Variants in WDFY4 observed in about 807,000 individuals in gnomAD.
WDFY4 encodes WD repeat- and FYVE domain-containing protein 4.
Under a neutral mutation model 351.9 loss-of-function variants are expected in WDFY4, and 169 were observed. That is an observed-to-expected ratio of 0.48 (90% CI 0.42 to 0.55). The LOEUF is 0.55. Ranked by LOEUF, WDFY4 falls within the 20% of genes least tolerant of loss-of-function variation. The pLI, the probability that WDFY4 is intolerant of heterozygous loss-of-function variation, is 0.00. For synonymous variants in WDFY4, 1,622 were observed against 1,574.6 expected (o/e 1.03, Z -0.71); for missense variants, 3,803 against 3,935.6 (o/e 0.97, Z 0.90).
At chr10:48,840,042 T>C (rs1368434142) in intron 39 of WDFY4, among the ~76,000 whole-genome samples, 1 of 152,192 alleles carries the variant, frequency 6.6e-6, no homozygotes, top group Non-Finnish European at 1.5e-5. Flanking sequence ...GCTAGGAATA[T>C]TTCCAGACGG....
At chr10:48,695,352 C>T (rs2063304376) in intron 1 of WDFY4, among the ~76,000 whole-genome samples, 1 of 152,102 alleles carries the variant, frequency 6.6e-6, no homozygotes, top group African/African-American at 2.4e-5. Context: ...CAGCCAGGGA[C>T]TCCCTGCAAC....
chr10:48,706,963 G>A (rs1261835206), intron 1 of WDFY4, among the ~76,000 whole-genome samples: 1 of 152,162 alleles, frequency 6.6e-6, no homozygotes, highest in East Asian at 1.9e-4. Context: ...GTGCTGTTTT[G>A]ACTACAAAGA....
In WDFY4 at chr10:48,727,529, G is replaced by A. The variant is rs1174795260; in HGVS notation, c.841G>A (p.Ala281Thr). Residue 281 changes from alanine to threonine, a missense_variant, in exon 7 of 62, where the codon GCC becomes ACC. Coordinates refer to ENST00000325239, the MANE Select transcript of WDFY4 (RefSeq NM_001394531.1). ...CTCCAGGCTCACGGACACTCTCCCT[G>A]CCCCTGAAGTGAGCGAGGCTGTAAG... ...NLSRLTDTLP[A>T]PEVSEAVSLI... 2 of 1,551,744 alleles carry A rather than the reference G, an allele frequency of 1.3e-6. No homozygotes were observed. The highest frequency in any genetic ancestry group is 1.2e-5 in the South Asian group (1 of 84,062).
chr10:48,973,115 T>C (rs751152383), intron 57 of WDFY4, among the ~76,000 whole-genome samples: 12 of 152,176 alleles, frequency 7.9e-5, no homozygotes, highest in Non-Finnish European at 1.6e-4. Flanking sequence ...GCAGACTTGG[T>C]TCCACTGGTA....
intron 47 of WDFY4, among the ~76,000 whole-genome samples, chr10:48,937,172 G>A (rs1453449707): frequency 6.6e-6 from 1 of 152,134 alleles, no homozygotes; most frequent in Non-Finnish European, 1.5e-5. Flanking sequence ...GGGATTACAC[G>A]TGTGAGCCAC....
At chr10:48,686,315 C>CAAAAAA (rs371080036) in intron 1 of WDFY4, among the ~76,000 whole-genome samples, 1 of 99,100 alleles carries the variant, frequency 1.0e-5, no homozygotes, top group Non-Finnish European at 1.9e-5. Context: ...ACTCCATCTC[C>CAAAAAA]AAAAAAAAAA....
chr10:48,867,348 A>G lies in WDFY4; in HGVS notation c.6741+6A>G. On this transcript the variant is annotated splice_donor_region_variant and intron_variant, in intron 40 of 61. Transcript: ENST00000325239. ...TATACAAAGACCATGTGCAAGTAAG[A>G]AACAAAACATAGGCTTTCTCTATAC... 6.8e-7 allele frequency: 1 copy of G among 1,478,482 alleles called. No individual in the cohort carries two copies. The highest frequency in any genetic ancestry group is 9.0e-7 in the Non-Finnish European group (1 of 1,109,164). 91.6% of individuals were successfully genotyped at this position (1,478,482 alleles called of 1,614,324 possible). A position where few individuals can be genotyped will look rare whatever the true frequency, so the allele number is the denominator to read the frequency against.
intron 47 of WDFY4, among the ~76,000 whole-genome samples, chr10:48,937,183 T>C (rs1301339998): frequency 1.3e-5 from 2 of 152,182 alleles, no homozygotes; most frequent in Admixed American, 6.5e-5. Context: ...TGTGAGCCAC[T>C]GTGCCAGCCA....
At position 48,743,625 on chromosome 10, in the gene WDFY4, C is replaced by T; in HGVS notation, c.2459+77C>T. 2.1e-6 allele frequency: 3 copies of T among 1,432,256 alleles called. No homozygotes were observed. In the South Asian group the frequency reaches 4.2e-5, roughly 20 times the overall value. The allele number at this position is 1,432,256 out of a possible 1,614,324, so 88.7% of individuals were successfully genotyped here. ...CTCTAACGTCTTGCGCATGTGTACT[C>T]AGTAGGAAGGCTCAGCTACAGAATG... On this transcript the variant is annotated intron_variant, in intron 12 of 61. Coordinates refer to ENST00000325239, the MANE Select transcript of WDFY4 (RefSeq NM_001394531.1).
intron 7 of WDFY4, among the ~76,000 whole-genome samples, chr10:48,729,208 C>G (rs932339620): frequency 1.3e-5 from 2 of 152,242 alleles, no homozygotes; most frequent in Admixed American, 1.3e-4. Context: ...GATGGCATAG[C>G]TTTTCACAGG....
chr10:48,826,333 A>G (rs2764062), intron 35 of WDFY4, among the ~76,000 whole-genome samples: 1 of 151,968 alleles, frequency 6.6e-6, no homozygotes, highest in South Asian at 2.1e-4. Context: ...TTTTGTACCA[A>G]TTCTGTACAA....
intron 13 of WDFY4, among the ~76,000 whole-genome samples, chr10:48,773,743 G>A (rs1376806370): frequency 2.0e-5 from 3 of 152,236 alleles, no homozygotes; most frequent in Non-Finnish European, 4.4e-5. Flanking sequence ...TTCAGCAAAC[G>A]CTTCTCCCCA....
At chr10:48,882,326 T>C (rs934362052) in intron 43 of WDFY4, among the ~76,000 whole-genome samples, 3 of 152,210 alleles carry the variant, frequency 2.0e-5, no homozygotes, top group African/African-American at 4.8e-5. Flanking sequence ...CAGGGCAAAG[T>C]GCATAGGCTG....
At chr10:48,730,631 ATCC>A (rs1249974657) in intron 8 of WDFY4, among the ~76,000 whole-genome samples, 1 of 152,222 alleles carries the variant, frequency 6.6e-6, no homozygotes, top group Non-Finnish European at 1.5e-5. Flanking sequence ...GCTGAAACCA[ATCC>A]TCCTAGCCCA....
chr10:48,835,117 C>T (rs1187762642), intron 39 of WDFY4, among the ~76,000 whole-genome samples: 1 of 152,218 alleles, frequency 6.6e-6, no homozygotes, highest in African/African-American at 2.4e-5. Context: ...ACCCTGCTCT[C>T]AGCATTGAGG....
At chr10:48,719,231 A>G (rs1016546568) in intron 2 of WDFY4, among the ~76,000 whole-genome samples, 35 of 152,368 alleles carry the variant, frequency 2.3e-4, no homozygotes, top group Admixed American at 2.3e-3. Flanking sequence ...TTTTAAATAA[A>G]TAATAGTAAA....
chr10:48,765,646 G>T (rs2065644868), intron 13 of WDFY4, among the ~76,000 whole-genome samples: 1 of 152,234 alleles, frequency 6.6e-6, no homozygotes, highest in Admixed American at 6.5e-5. Flanking sequence ...TTAAGCGACA[G>T]AATCAATATT....
At chr10:48,855,751 T>C (rs1388724857) in intron 39 of WDFY4, among the ~76,000 whole-genome samples, 1 of 152,154 alleles carries the variant, frequency 6.6e-6, no homozygotes, top group African/African-American at 2.4e-5. Flanking sequence ...AGTTTTGCTT[T>C]CTGCAGTTTG....
chr10:48,708,839 A>C (rs888822104), intron 1 of WDFY4, among the ~76,000 whole-genome samples: 1 of 152,220 alleles, frequency 6.6e-6, no homozygotes, highest in Non-Finnish European at 1.5e-5. Context: ...TATAAACCAA[A>C]TAATGCTTAG....
Sources: allele counts gnomAD v4.1 joint callset (sites outside exome capture counted in the v4.1 genomes callset), GRCh38; gene constraint gnomAD v4.1.1; transcripts MANE v1.5; gene names NCBI Gene and HGNC (gene_info 2026-07-23, HGNC 2026-07-21).